ADAMTS16: variants seen among roughly 807,000 people sequenced by gnomAD.
ADAMTS16 encodes A disintegrin and metalloproteinase with thrombospondin motifs 16.
In ADAMTS16, 94 loss-of-function variants were observed where a neutral mutation model predicts 145.8. The ratio of observed to expected loss-of-function variants is 0.64; its 90% CI spans 0.55 to 0.77. The LOEUF (loss-of-function observed/expected upper bound fraction) is 0.77, where lower values mean the gene tolerates loss of function less well. Among genes scored for constraint, ADAMTS16 ranks in the 30% least tolerant of loss-of-function variants. The pLI is 0.00. For missense variants in ADAMTS16, 1,585 were observed against 1,591.5 expected (o/e 1.00, Z 0.07); for synonymous variants, 659 against 604.3 (o/e 1.09, Z -1.33).
chr5:5,271,243 G>A (rs1236415654), intron 18 of ADAMTS16, among the ~76,000 whole-genome samples: 1 of 152,218 alleles, frequency 6.6e-6, no homozygotes, highest in South Asian at 2.1e-4. Context: ...CAGGGGGCAG[G>A]GTGTTGGGTG....
rs369612400 is a variant in ADAMTS16, at chr5:5,311,925, G to A, written c.3411+5197G>A. 9.9e-5 allele frequency among the ~76,000 whole-genome samples: 15 copies of A among 152,080 alleles called. 1 individual carries two copies. In the East Asian group the frequency reaches 2.5e-3, roughly 26 times the overall value. On this transcript the variant is annotated intron_variant, in intron 21 of 22. Coordinates refer to ENST00000274181, the MANE Select transcript of ADAMTS16 (RefSeq NM_139056.4). The stretch of plus-strand genomic sequence containing the variant: ...GTACAGTTGGGGTTTCACCATGTTG[G>A]CCAGGATGGTCTCGATCTCCTGACC...
chr5:5,205,195 TGACTTTTTA>T (rs1428448569), intron 9 of ADAMTS16, among the ~76,000 whole-genome samples: 2 of 152,174 alleles, frequency 1.3e-5, no homozygotes, highest in Non-Finnish European at 2.9e-5. Flanking sequence ...TCTGACTCTG[TGACTTTTTA>T]TTTACACTTT....
intron 3 of ADAMTS16, among the ~76,000 whole-genome samples, chr5:5,177,845 T>C (rs1735241373): frequency 1.3e-5 from 2 of 152,216 alleles, no homozygotes. Context: ...TTACTGTGTT[T>C]ATTGATAGGT....
chr5:5,304,726 C>T (rs558569680), intron 20 of ADAMTS16, among the ~76,000 whole-genome samples: 15 of 152,174 alleles, frequency 9.9e-5, no homozygotes, highest in Non-Finnish European at 1.6e-4. Flanking sequence ...CACCCTTGCT[C>T]GCTTAAGTGA....
intron 18 of ADAMTS16, among the ~76,000 whole-genome samples, chr5:5,287,678 G>A (rs756236268): frequency 1.3e-5 from 2 of 152,188 alleles, no homozygotes; most frequent in Non-Finnish European, 2.9e-5. Context: ...TGATTTCACG[G>A]ACGGTGTCAG....
chr5:5,315,581 G>A (rs1025076286), intron 21 of ADAMTS16, among the ~76,000 whole-genome samples: 1 of 152,148 alleles, frequency 6.6e-6, no homozygotes, highest in African/African-American at 2.4e-5. Flanking sequence ...TGTGGACACT[G>A]ATGGATGCGG....
chr5:5,175,584 A>G (rs1313833882), intron 3 of ADAMTS16, among the ~76,000 whole-genome samples: 1 of 152,060 alleles, frequency 6.6e-6, no homozygotes, highest in African/African-American at 2.4e-5. Flanking sequence ...CTTGCCTAGG[A>G]ATTTCAGTTC....
intron 13 of ADAMTS16, 141 bp downstream of exon 13, chr5:5,235,327 GT>G: frequency 1.1e-6 from 1 of 938,598 alleles, no homozygotes; most frequent in Non-Finnish European, 1.4e-6. Context: ...TCTTCTGGAG[GT>G]TAGTTTTATT....
At chr5:5,296,566 G>A (rs1033290871) in intron 18 of ADAMTS16, among the ~76,000 whole-genome samples, 10 of 152,106 alleles carry the variant, frequency 6.6e-5, no homozygotes, top group Admixed American at 2.0e-4. Flanking sequence ...TTCAAAAATC[G>A]TGTTTCCAAA....
intron 8 of ADAMTS16, among the ~76,000 whole-genome samples, chr5:5,198,318 C>T (rs1560944988): frequency 6.6e-6 from 1 of 152,140 alleles, no homozygotes; most frequent in African/African-American, 2.4e-5. Flanking sequence ...GTTACCCTGG[C>T]CTTGATTAAT....
At chr5:5,294,932 A>G (rs763433513) in intron 18 of ADAMTS16, among the ~76,000 whole-genome samples, 3 of 152,194 alleles carry the variant, frequency 2.0e-5, no homozygotes, top group Admixed American at 6.5e-5. Flanking sequence ...TGCAGAGAGG[A>G]TGCAGGTGTC....
intron 11 of ADAMTS16, 113 bp downstream of exon 11, chr5:5,222,997 T>G (rs1030852875): frequency 2.5e-6 from 2 of 795,434 alleles, no homozygotes; most frequent in Non-Finnish European, 2.1e-6. Context: ...CATATACATA[T>G]GCATACCCAT....
intron 17 of ADAMTS16, among the ~76,000 whole-genome samples, chr5:5,255,539 C>T (rs915163352): frequency 6.6e-6 from 1 of 152,180 alleles, no homozygotes; most frequent in African/African-American, 2.4e-5. Flanking sequence ...TGAAGATGGC[C>T]ACAGACCTTT....
chr5:5,175,429 G>A (rs910220376), intron 3 of ADAMTS16, among the ~76,000 whole-genome samples: 1 of 152,316 alleles, frequency 6.6e-6, no homozygotes, highest in Middle Eastern at 3.4e-3. Context: ...CTCAAGTAGA[G>A]AGGAGTCTGT....
At chr5:5,308,541 CA>C (rs1300210789) in intron 21 of ADAMTS16, among the ~76,000 whole-genome samples, 1 of 152,180 alleles carries the variant, frequency 6.6e-6, no homozygotes, top group African/African-American at 2.4e-5. Context: ...GGGAGCACCT[CA>C]CACCCTCAAC....
At chr5:5,172,477 T>C (rs767793153) in intron 3 of ADAMTS16, among the ~76,000 whole-genome samples, 2 of 152,148 alleles carry the variant, frequency 1.3e-5, no homozygotes, top group Admixed American at 6.5e-5. Context: ...TTTAATTTTC[T>C]TCTTAATTTC....
intron 18 of ADAMTS16, among the ~76,000 whole-genome samples, chr5:5,268,652 C>T (rs1025213558): frequency 6.6e-6 from 1 of 152,198 alleles, no homozygotes; most frequent in Non-Finnish European, 1.5e-5. Flanking sequence ...CCATACACTG[C>T]ATACATCCAC....
chr5:5,242,879 A>G (rs987986829), intron 17 of ADAMTS16, among the ~76,000 whole-genome samples: 3 of 152,232 alleles, frequency 2.0e-5, no homozygotes, highest in African/African-American at 7.2e-5. Flanking sequence ...TGCAAGTTTA[A>G]AACAACATAG....
intron 6 of ADAMTS16, among the ~76,000 whole-genome samples, chr5:5,188,424 A>G (rs1283900223): frequency 2.0e-5 from 3 of 152,188 alleles, no homozygotes; most frequent in Non-Finnish European, 4.4e-5. Flanking sequence ...GTAAATGCAT[A>G]GAGGTGGTCC....
Sources: gnomAD v4.1 joint callset for allele counts (sites outside exome capture counted in the v4.1 genomes callset) on GRCh38, gnomAD v4.1.1 for gene constraint, MANE v1.5 for transcripts, NCBI Gene and HGNC (gene_info 2026-07-23, HGNC 2026-07-21) for gene names.